AGFG1: variants seen among roughly 807,000 people sequenced by gnomAD.
AGFG1 encodes arf-GAP domain and FG repeat-containing protein 1.
In AGFG1, 10 loss-of-function variants were observed where a neutral mutation model predicts 60.6. That is an observed-to-expected ratio of 0.16 (90% CI 0.10 to 0.28). AGFG1 has a LOEUF of 0.28. Among genes scored for constraint, AGFG1 ranks in the 10% least tolerant of loss-of-function variants. AGFG1 has a pLI of 1.00. For synonymous variants in AGFG1, 247 were observed against 242.9 expected, an observed-to-expected ratio of 1.02 and a Z score of -0.16; for missense variants, 537 against 676.5, an observed-to-expected ratio of 0.79 and a Z score of 2.29.
intron 10 of AGFG1, among the ~76,000 whole-genome samples, chr2:227,538,080 T>C (rs1213791985): frequency 6.6e-6 from 1 of 152,258 alleles, no homozygotes; most frequent in East Asian, 1.9e-4. Context: ...AATGATTGTT[T>C]TAAATTTCCA....
intron 2 of AGFG1, among the ~76,000 whole-genome samples, chr2:227,505,515 CT>C (rs1691287264): frequency 1.3e-5 from 2 of 152,122 alleles, no homozygotes; most frequent in South Asian, 4.1e-4. Context: ...TTCCCTCCAT[CT>C]TTTTACTTTC....
intron 10 of AGFG1, among the ~76,000 whole-genome samples, chr2:227,537,237 G>T (rs1692340996): frequency 6.6e-6 from 1 of 152,144 alleles, no homozygotes. Flanking sequence ...TCATTTTTCA[G>T]GTAGGGAAGC....
chr2:227,529,454 G>T (rs1205108935), intron 5 of AGFG1, among the ~76,000 whole-genome samples: 1 of 152,042 alleles, frequency 6.6e-6, no homozygotes, highest in Non-Finnish European at 1.5e-5. Context: ...GCATTGTTTT[G>T]TAGGGAAACT....
chr2:227,500,758 C>T (rs576488227), intron 2 of AGFG1, among the ~76,000 whole-genome samples: 3 of 152,014 alleles, frequency 2.0e-5, no homozygotes, highest in African/African-American at 7.2e-5. Context: ...TGCAATATAT[C>T]TATCTTTTTT....
intron 10 of AGFG1, among the ~76,000 whole-genome samples, chr2:227,546,950 T>G (rs1692667100): frequency 6.6e-6 from 1 of 152,188 alleles, no homozygotes; most frequent in African/African-American, 2.4e-5. Flanking sequence ...GGCCCTCAGA[T>G]CTTTGTTTAT....
intron 10 of AGFG1, 84 bp downstream of exon 10, chr2:227,537,077 G>A: frequency 8.4e-7 from 1 of 1,188,678 alleles, no homozygotes. Context: ...CCAGAAAATG[G>A]GGCCTCTTTC....
chr2:227,553,575 C>A, intron 11 of AGFG1, 129 bp from the exon 12 acceptor site: 1 of 657,546 alleles, frequency 1.5e-6, no homozygotes, highest in South Asian at 2.2e-5. Context: ...TGAGGCCTAA[C>A]AACTTAACTT....
chr2:227,549,634 G>T (rs1692760999), intron 10 of AGFG1, among the ~76,000 whole-genome samples: 1 of 152,140 alleles, frequency 6.6e-6, no homozygotes, highest in South Asian at 2.1e-4. Flanking sequence ...AAACAATCTA[G>T]CATTGTTCAT....
rs546116050 is a variant in AGFG1, at chr2:227,527,757, T to A, written c.694+2842T>A. On this transcript the variant is annotated intron_variant, in intron 5 of 12. Transcript: ENST00000310078. The stretch of plus-strand genomic sequence containing the variant: ...TATTTTGATAATTTAAAACTTTGCT[T>A]TATATTATTTTGGCACATGTGTATG... 1.0e-3 allele frequency among the ~76,000 whole-genome samples: 158 copies of A among 152,324 alleles called. 1 individual carries two copies. The highest frequency in any genetic ancestry group is 3.4e-3 in the Middle Eastern group (1 of 292).
At chr2:227,499,830 G>A (rs1382052859) in intron 2 of AGFG1, among the ~76,000 whole-genome samples, 6 of 152,142 alleles carry the variant, frequency 3.9e-5, no homozygotes, top group Admixed American at 2.6e-4. Context: ...GCCCCTGCCG[G>A]CTTAAAGTCC....
At chr2:227,551,907 A>G in intron 10 of AGFG1, 52 bp from the exon 11 acceptor site, 1 of 1,573,388 alleles carries the variant, frequency 6.4e-7, no homozygotes, top group South Asian at 1.2e-5. Context: ...ATGTTGTGAG[A>G]AACTAAACAT....
At chr2:227,528,470 C>T (rs1040982593) in intron 5 of AGFG1, among the ~76,000 whole-genome samples, 1 of 152,148 alleles carries the variant, frequency 6.6e-6, no homozygotes, top group African/African-American at 2.4e-5. Flanking sequence ...ATAAGGACCC[C>T]AACTCTCTTT....
intron 1 of AGFG1, among the ~76,000 whole-genome samples, chr2:227,485,875 A>C (rs1407275636): frequency 6.6e-6 from 1 of 152,144 alleles, no homozygotes; most frequent in Non-Finnish European, 1.5e-5. Context: ...TCAGATAGCT[A>C]GTCTTGGAGG....
chr2:227,534,885 T>C lies in AGFG1; in HGVS notation c.1065T>C (p.Ala355=), dbSNP rs1163360086. The C allele has an allele frequency of 2.5e-6, 4 of 1,613,866 alleles. No homozygotes were observed. Among genetic ancestry groups the C allele is most frequent in the East Asian group, 2.2e-5 (1 of 44,876 alleles). Reference sequence around the variant, plus strand: ...GTGGCTTTGGGACCACAGGTAAAGCTCCTGTTGGTTCTGTGGTTTCAGTTC... The same window carrying C: ...GTGGCTTTGGGACCACAGGTAAAGCCCCTGTTGGTTCTGTGGTTTCAGTTC... ...QGSGFGTTGK[A]PVGSVVSVPS... is the part of the protein sequence containing the mutation. The change falls in exon 8 of 13, where the codon GCT becomes GCC. Residue 355 remains alanine, a synonymous_variant. Transcript: ENST00000310078.
At chr2:227,524,386 A>G (rs745429804) in intron 4 of AGFG1, among the ~76,000 whole-genome samples, 5 of 152,208 alleles carry the variant, frequency 3.3e-5, no homozygotes, top group Non-Finnish European at 7.3e-5. Context: ...ACTTTGCATT[A>G]TACCTTATTC....
chr2:227,550,666 G>A (rs1321352878), intron 10 of AGFG1, among the ~76,000 whole-genome samples: 1 of 152,006 alleles, frequency 6.6e-6, no homozygotes, highest in African/African-American at 2.4e-5. Context: ...ATTCTAATTA[G>A]GTTCATTGAG....
intron 2 of AGFG1, among the ~76,000 whole-genome samples, chr2:227,517,342 T>C (rs907944119): frequency 1.3e-5 from 2 of 152,350 alleles, no homozygotes; most frequent in South Asian, 4.1e-4. Context: ...CTCGGCTCAC[T>C]GCAACCTCTG....
chr2:227,478,454 C>T (rs1690355319), intron 1 of AGFG1, among the ~76,000 whole-genome samples: 1 of 151,886 alleles, frequency 6.6e-6, no homozygotes, highest in Non-Finnish European at 1.5e-5. Context: ...GGTGATCCTC[C>T]GACCTCAGCT....
chr2:227,477,789 T>C (rs1158488433), intron 1 of AGFG1, among the ~76,000 whole-genome samples: 1 of 151,928 alleles, frequency 6.6e-6, no homozygotes, highest in Non-Finnish European at 1.5e-5. Context: ...TTTGTATTTT[T>C]AGTAGAGATG....
Sources: allele counts gnomAD v4.1 joint callset (sites outside exome capture counted in the v4.1 genomes callset), GRCh38; gene constraint gnomAD v4.1.1; transcripts MANE v1.5; gene names NCBI Gene and HGNC (gene_info 2026-07-23, HGNC 2026-07-21).